Variants in ZNF341 observed in about 807,000 individuals in gnomAD.
ZNF341 encodes the protein zinc finger protein 341.
In ZNF341, 52 loss-of-function variants were observed where a neutral mutation model predicts 87.7. That is an observed-to-expected ratio of 0.59 (90% confidence interval 0.47 to 0.75). The LOEUF (loss-of-function observed/expected upper bound fraction) is 0.75, where lower values mean the gene tolerates loss of function less well. ZNF341 is among the 30% of genes least tolerant of loss of function. ZNF341 has a pLI of 0.00. For missense variants in ZNF341, 977 were observed against 1,145.9 expected (o/e 0.85, Z 2.13); for synonymous variants, 459 against 472.7 (o/e 0.97, Z 0.38).
chr20:33,758,648 G>C (rs1455207464), intron 6 of ZNF341, 68 bp from the exon 7 acceptor site: 23 of 1,290,104 alleles, frequency 1.8e-5, no homozygotes, highest in Non-Finnish European at 2.6e-5. Context: ...ACAGTAGTCA[G>C]AGGCTGCCCT....
At chr20:33,787,138 A>T (rs1304462457) in intron 12 of ZNF341, 1 of 151,950 alleles carries the variant, frequency 6.6e-6, no homozygotes, top group Non-Finnish European at 1.5e-5. Flanking sequence ...TCCTTTCCCT[A>T]CACCTCCCCA....
chr20:33,788,723 C>T (rs970593001), intron 12 of ZNF341, 140 bp from the exon 13 acceptor site: 3 of 723,428 alleles, frequency 4.1e-6, no homozygotes, highest in Non-Finnish European at 7.6e-6. Flanking sequence ...AACAAAGCCA[C>T]TGAAGAATGA....
intron 10 of ZNF341, 61 bp downstream of exon 10, chr20:33,770,353 C>T (rs1314041788): frequency 6.8e-6 from 10 of 1,475,038 alleles, no homozygotes; most frequent in Non-Finnish European, 9.4e-6. Flanking sequence ...GAGCCCAGGG[C>T]CTGTGGCCTT....
chr20:33,760,820 A>T (rs1407437969), intron 7 of ZNF341, among the ~76,000 whole-genome samples: 4 of 152,068 alleles, frequency 2.6e-5, no homozygotes, highest in Admixed American at 6.6e-5. Context: ...CTGGGATTAC[A>T]GGTGTGAGCC....
In ZNF341 at chr20:33,791,394, G is replaced by A. The variant is rs749372309; in HGVS notation, c.2442G>A (p.Glu814=). ...GTGGTGCGGTGGGCGCGGAAACTGAGCTGGTGGTACCTGGACACGCTGAGG... is the reference window on the plus strand; with the variant it reads ...GTGGTGCGGTGGGCGCGGAAACTGAACTGGTGGTACCTGGACACGCTGAGG... ...VVGGAVGAET[E]LVVPGHAEGL... is the part of the protein sequence containing the mutation. Residue 814 remains glutamate, a synonymous_variant, in exon 15 of 15, where the codon GAG becomes GAA. Transcript: ENST00000375200. 6.2e-7 allele frequency: 1 copy of A among 1,612,608 alleles called. No homozygotes were observed. Among genetic ancestry groups the A allele is most frequent in the Non-Finnish European group, 8.5e-7 (1 of 1,179,754 alleles).
In ZNF341 at chr20:33,732,127, G is replaced by T; in HGVS notation, c.31+75G>T. The T allele has an allele frequency of 8.6e-6, 9 of 1,048,202 alleles. No homozygotes were observed. Among genetic ancestry groups the T allele is most frequent in the Non-Finnish European group, 1.0e-5 (9 of 868,104 alleles). 64.9% of individuals were successfully genotyped at this position (1,048,202 alleles called of 1,614,324 possible). On this transcript the variant is annotated intron_variant, in intron 1 of 14. Coordinates refer to ENST00000375200, the MANE Select transcript of ZNF341 (RefSeq NM_001282933.2). The surrounding 1 kb of genome is among the most constrained non-coding windows in gnomAD (Gnocchi z 4.5). Reference sequence around the variant, plus strand: ...TCCCGCCGCGCCCTCGCAGCGCCCGGCCTAGGGCGCGCAGCGGCCGCGGGG... The same window carrying T: ...TCCCGCCGCGCCCTCGCAGCGCCCGTCCTAGGGCGCGCAGCGGCCGCGGGG...
chr20:33,761,747 T>C, intron 7 of ZNF341, 115 bp from the exon 8 acceptor site: 1 of 892,600 alleles, frequency 1.1e-6, no homozygotes, highest in Non-Finnish European at 1.6e-6. Context: ...GGTGTCAGAA[T>C]GTGGCAAGTG....
At position 33,773,254 on chromosome 20, in the gene ZNF341, G is replaced by A. The variant is rs79316326; in HGVS notation, c.1622+2962G>A. Reference sequence around the variant, plus strand: ...GCAGAGTTTAGATTCGAACCCTAGTGTGAGATCTTGGAAGCCTCATAGCCC... The same window carrying A: ...GCAGAGTTTAGATTCGAACCCTAGTATGAGATCTTGGAAGCCTCATAGCCC... On this transcript the variant is annotated intron_variant, in intron 10 of 14. Transcript: ENST00000375200. Among the ~76,000 whole-genome samples, 1,307 of 152,284 alleles carry A rather than the reference G, an allele frequency of 8.6e-3. 17 individuals are homozygous for A. The highest frequency in any genetic ancestry group is 0.029 in the African/African-American group (1,224 of 41,552).
chr20:33,764,413 C>T (rs887879022), intron 8 of ZNF341, among the ~76,000 whole-genome samples: 1 of 149,702 alleles, frequency 6.7e-6, no homozygotes, highest in African/African-American at 2.5e-5. Flanking sequence ...CTAGTAGCTA[C>T]ATTAAAAGCA....
chr20:33,733,538 T>C (rs1220586589), intron 1 of ZNF341, among the ~76,000 whole-genome samples: 2 of 150,954 alleles, frequency 1.3e-5, no homozygotes, highest in Non-Finnish European at 3.0e-5. Flanking sequence ...CGCCCGGCCA[T>C]TTTTTTGTAT....
In ZNF341 at chr20:33,770,224, G is replaced by C; in HGVS notation, c.1554G>C (p.Leu518=). The C allele has an allele frequency of 6.2e-7, 1 of 1,614,120 alleles. No individual in the cohort carries two copies. Among genetic ancestry groups the C allele is most frequent in the Non-Finnish European group, 8.5e-7 (1 of 1,180,020 alleles). ...CGKDFPSLYD[L]GVHQYSHSLL... ...AGGACTTCCCCTCGCTGTACGACCTGGGCGTGCACCAGTACTCCCACAGCC... is the reference window on the plus strand; with the variant it reads ...AGGACTTCCCCTCGCTGTACGACCTCGGCGTGCACCAGTACTCCCACAGCC... Residue 518 remains leucine (L), a synonymous_variant, in exon 10 of 15, where the codon CTG becomes CTC. Transcript: ENST00000375200.
chr20:33,761,659 C>T (rs1158641355), intron 7 of ZNF341, among the ~76,000 whole-genome samples: 2 of 152,182 alleles, frequency 1.3e-5, no homozygotes, highest in Non-Finnish European at 2.9e-5. Context: ...TGTTGATGAG[C>T]AGCTCAGTAA....
At chr20:33,749,155 AG>A in intron 4 of ZNF341, 83 bp downstream of exon 4, 1 of 1,517,876 alleles carries the variant, frequency 6.6e-7, no homozygotes, top group Non-Finnish European at 8.9e-7. Context: ...TGTAGAATAA[AG>A]GGGGCCTGGC....
intron 8 of ZNF341, among the ~76,000 whole-genome samples, chr20:33,763,413 C>G (rs535365255): frequency 6.6e-6 from 1 of 152,258 alleles, no homozygotes; most frequent in African/African-American, 2.4e-5. Context: ...ATCCTCCTGC[C>G]TTAGCCTCCC....
Position 33,770,110 on chromosome 20 carries a change from T to C in ZNF341, c.1440T>C (p.Cys480=). The C allele has an allele frequency of 6.2e-7, 1 of 1,613,864 alleles. No homozygotes were observed. Among genetic ancestry groups the C allele is most frequent in the Non-Finnish European group, 8.5e-7 (1 of 1,179,854 alleles). The change falls in exon 10 of 15, where the codon TGT becomes TGC. Residue 480 remains cysteine (C), a synonymous_variant. Coordinates refer to ENST00000375200, the MANE Select transcript of ZNF341 (RefSeq NM_001282933.2). ...EQVYKCVVKS[C]AQTFPKLDTF... is the part of the protein sequence containing the mutation. ...TGTACAAGTGTGTGGTCAAAAGCTG[T>C]GCCCAGACGTTCCCAAAGCTCGACA...
chr20:33,753,877 A>G (rs559431652), intron 5 of ZNF341, among the ~76,000 whole-genome samples: 1 of 152,322 alleles, frequency 6.6e-6, no homozygotes, highest in South Asian at 2.1e-4. Flanking sequence ...TCACGTGTTT[A>G]CAGTGGTCAG....
intron 10 of ZNF341, among the ~76,000 whole-genome samples, chr20:33,774,651 A>ATCACTTAAAACTTTT (rs140058871): frequency 0.02 from 3,052 of 152,232 alleles, 103 homozygotes; most frequent in African/African-American, 0.069. Flanking sequence ...ATGTGGTTTT[A>ATCACTTAAAACTTTT]TCACTTAAAA....
In ZNF341 at chr20:33,791,406, TG is replaced by T; in HGVS notation, c.2456del (p.Gly819AspfsTer79). On this transcript the variant is annotated frameshift_variant, in exon 15 of 15. Transcript: ENST00000375200. LOFTEE classifies it high-confidence loss of function. Reference protein sequence around the residue: ...VGAETELVVPGHAEGLGSNLA... With the variant: ...VGAETELVVPXHAEGLGSNLA... ...GCGCGGAAACTGAGCTGGTGGTACC[TG>T]GACACGCTGAGGGGCTGGGCTCCAA... 6.2e-7 allele frequency: 1 copy of T among 1,612,296 alleles called. No individual in the cohort carries two copies. Among genetic ancestry groups the T allele is most frequent in the Non-Finnish European group, 8.5e-7 (1 of 1,179,720 alleles).
At chr20:33,783,113 C>T (rs990576170) in intron 11 of ZNF341, among the ~76,000 whole-genome samples, 1 of 152,018 alleles carries the variant, frequency 6.6e-6, no homozygotes, top group Non-Finnish European at 1.5e-5. Flanking sequence ...AAGATTGCAC[C>T]ATTGCACTCC....
Sources: allele counts gnomAD v4.1 joint callset (sites outside exome capture counted in the v4.1 genomes callset), GRCh38; gene constraint gnomAD v4.1.1; non-coding constraint Gnocchi (gnomAD v3.1); transcripts MANE v1.5; gene names NCBI Gene and HGNC (gene_info 2026-07-23, HGNC 2026-07-21).